Variants in ARFGEF1 observed in about 807,000 individuals in gnomAD.
ARFGEF1 encodes brefeldin A-inhibited guanine nucleotide-exchange protein 1.
A neutral mutation model predicts 231.0 loss-of-function variants in ARFGEF1; 42 were observed. That is an observed-to-expected ratio of 0.18 (90% CI 0.14 to 0.24). ARFGEF1 has a LOEUF of 0.24. Ranked by LOEUF, ARFGEF1 falls within the 10% of genes least tolerant of loss-of-function variation. The pLI, the probability that ARFGEF1 is intolerant of heterozygous loss-of-function variation, is 1.00. For synonymous variants in ARFGEF1, 710 were observed against 732.3 expected, an observed-to-expected ratio of 0.97 and a Z score of 0.49; for missense variants, 1,345 against 2,192.0, an observed-to-expected ratio of 0.61 and a Z score of 7.72.
intron 5 of ARFGEF1, among the ~76,000 whole-genome samples, chr8:67,178,742 T>C (rs926270185): frequency 1.3e-5 from 2 of 151,846 alleles, no homozygotes; most frequent in Non-Finnish European, 2.9e-5. Context: ...GCCTAGTGCA[T>C]GTAAGGAGCA....
At position 67,279,347 on chromosome 8, in the gene ARFGEF1, T is replaced by C. The variant is rs549653652; in HGVS notation, c.1028-1890A>G. On this transcript the variant is annotated intron_variant, in intron 7 of 38. Transcript: ENST00000262215. ...AATTTAACACAGGCTCCCTGTCTCT[T>C]GCAGCACCACAAAAATACATCTCTT... Among the ~76,000 whole-genome samples the C allele has an allele frequency of 1.6e-4, 24 of 152,302 alleles. 1 individual carries two copies. Among genetic ancestry groups the C allele is most frequent in the African/African-American group, 5.5e-4 (23 of 41,566 alleles).
At chr8:67,199,889 A>G (rs1010850184) in intron 38 of ARFGEF1, 6 of 223,170 alleles carry the variant, frequency 2.7e-5, no homozygotes, top group Non-Finnish European at 4.6e-5. Context: ...TTACAGTCAT[A>G]TATGTGTATT....
At chr8:67,193,224 A>G (rs1836903354), downstream of ARFGEF1, among the ~76,000 whole-genome samples, 1 of 152,014 alleles carries the variant, frequency 6.6e-6, no homozygotes, top group Non-Finnish European at 1.5e-5. Flanking sequence ...CAGCCACCCA[A>G]GTAGCCGGGG....
chr8:67,260,730 A>G (rs914581447), intron 14 of ARFGEF1, among the ~76,000 whole-genome samples: 1 of 152,170 alleles, frequency 6.6e-6, no homozygotes, highest in African/African-American at 2.4e-5. Context: ...TAAATAAAAA[A>G]CTAGAAATAA....
chr8:67,230,653 T>C (rs1186598937), intron 23 of ARFGEF1, among the ~76,000 whole-genome samples: 1 of 151,984 alleles, frequency 6.6e-6, no homozygotes, highest in Non-Finnish European at 1.5e-5. Flanking sequence ...CTGGTATGTA[T>C]AAAAAAACCA....
Position 67,343,511 on chromosome 8 carries a change from T to C in ARFGEF1, c.-224A>G. On this transcript the variant is annotated 5_prime_UTR_variant, in exon 1 of 39. Coordinates refer to ENST00000262215, the MANE Select transcript of ARFGEF1 (RefSeq NM_006421.5). Reference sequence around the variant, plus strand: ...CTCGCCGCCCCCAAGAAGCCGTACCTCGAGGGCCGCGCCCGTCGGGCCTCC... The same window carrying C: ...CTCGCCGCCCCCAAGAAGCCGTACCCCGAGGGCCGCGCCCGTCGGGCCTCC... The C allele has an allele frequency of 1.6e-5, 19 of 1,209,506 alleles. No individual in the cohort carries two copies. Among genetic ancestry groups the C allele is most frequent in the Non-Finnish European group, 2.0e-5 (19 of 969,902 alleles). The allele number at this position is 1,209,506 out of a possible 1,614,324, so 74.9% of individuals were successfully genotyped here. A position where few individuals can be genotyped will look rare whatever the true frequency, so the allele number is the denominator to read the frequency against.
chr8:67,200,320 CG>C (rs1563831543), intron 38 of ARFGEF1, 75 bp downstream of exon 38: 1 of 1,038,002 alleles, frequency 9.6e-7, no homozygotes, highest in Admixed American at 1.7e-5. Flanking sequence ...AGCTCTTGCA[CG>C]GCGGCTCTGG....
At position 67,321,485 on chromosome 8, in the gene ARFGEF1, G is replaced by A. The variant is rs1342683545; in HGVS notation, c.125-19019C>T. Among the ~76,000 whole-genome samples the A allele has an allele frequency of 2.0e-5, 3 of 152,238 alleles. No individual in the cohort carries two copies. In the South Asian group the frequency reaches 6.2e-4, roughly 32 times the overall value. On this transcript the variant is annotated intron_variant, in intron 1 of 38. Coordinates refer to ENST00000262215, the MANE Select transcript of ARFGEF1 (RefSeq NM_006421.5). ...TGTTTTGTTTTTTGTTTTTGAGATGGAGTCTCGCTCTGTCGCCCAGGCTGG... is the reference window on the plus strand; with the variant it reads ...TGTTTTGTTTTTTGTTTTTGAGATGAAGTCTCGCTCTGTCGCCCAGGCTGG...
intron 5 of ARFGEF1, among the ~76,000 whole-genome samples, chr8:67,188,308 C>T (rs961388793): frequency 2.6e-5 from 4 of 152,136 alleles, no homozygotes; most frequent in African/African-American, 7.2e-5. Flanking sequence ...AAATCTAGGC[C>T]GACTAAGAAT....
intron 9 of ARFGEF1, among the ~76,000 whole-genome samples, chr8:67,273,385 A>G: frequency 6.8e-6 from 1 of 146,726 alleles, no homozygotes; most frequent in South Asian, 2.2e-4. Context: ...GGAACACACC[A>G]AAATGCTCTA....
At chr8:67,217,633 T>C in intron 32 of ARFGEF1, 149 bp downstream of exon 32, 1 of 861,486 alleles carries the variant, frequency 1.2e-6, no homozygotes, top group Non-Finnish European at 1.7e-6. Context: ...TGGTTTGTAA[T>C]AAATCTAAAT....
At chr8:67,195,754 T>TAA (rs1189764966), downstream of ARFGEF1, 2 of 607,938 alleles carry the variant, frequency 3.3e-6, no homozygotes, top group Non-Finnish European at 5.9e-6. Flanking sequence ...TGTACATAAA[T>TAA]AAAAGGCCAT....
chr8:67,220,132 G>C (rs1200752999), intron 29 of ARFGEF1, among the ~76,000 whole-genome samples: 1 of 152,202 alleles, frequency 6.6e-6, no homozygotes, highest in Non-Finnish European at 1.5e-5. Flanking sequence ...TATTGCCTGG[G>C]AGGCAAGCAA....
chr8:67,181,662 T>G (rs1833081462), intron 5 of ARFGEF1, among the ~76,000 whole-genome samples: 1 of 152,172 alleles, frequency 6.6e-6, no homozygotes, highest in Admixed American at 6.5e-5. Flanking sequence ...AAAAATAGGG[T>G]TTTTAAAATT....
chr8:67,287,974 C>T lies in ARFGEF1; in HGVS notation c.1008G>A (p.Met336Ile), dbSNP rs1563890913. 7 of 1,590,750 alleles carry T rather than the reference C, an allele frequency of 4.4e-6. No homozygotes were observed. The highest frequency in any genetic ancestry group is 6.0e-6 in the Non-Finnish European group (7 of 1,171,564). ...TACTACCTCCAACAACAATGTTCAC[C>T]ATTTCTTCTACAATGTTCTGTACAA... is the stretch of plus-strand genomic sequence containing the variant. ...QDIVQNIVEEMVNIVVGDMGE... is the reference protein window; with the variant it reads ...QDIVQNIVEEIVNIVVGDMGE... The change falls in exon 7 of 39, where the codon ATG becomes ATA. Residue 336 changes from methionine to isoleucine, a missense_variant. Transcript: ENST00000262215.
chr8:67,302,641 A>G (rs1210208983), intron 1 of ARFGEF1, among the ~76,000 whole-genome samples, 175 bp from the exon 2 acceptor site: 3 of 152,226 alleles, frequency 2.0e-5, no homozygotes, highest in Admixed American at 6.5e-5. Context: ...TTACACAAAT[A>G]ACATAAAACT....
chr8:67,209,062 C>T (rs1285460650), intron 34 of ARFGEF1, among the ~76,000 whole-genome samples: 3 of 152,178 alleles, frequency 2.0e-5, no homozygotes, highest in Non-Finnish European at 2.9e-5. Context: ...TAGAATTACC[C>T]TATGAGCTAG....
chr8:67,195,301 G>A, downstream of ARFGEF1: 1 of 856,316 alleles, frequency 1.2e-6, no homozygotes, highest in Non-Finnish European at 2.0e-6. Flanking sequence ...GTTGTAATGA[G>A]TTGGACTACA....
intron 5 of ARFGEF1, among the ~76,000 whole-genome samples, chr8:67,176,527 G>A (rs1195032852): frequency 7.2e-5 from 11 of 152,164 alleles, no homozygotes; most frequent in Non-Finnish European, 4.4e-5. Context: ...TCTAGGATAA[G>A]CAGTAGGTAT....
Sources: gnomAD v4.1 joint callset for allele counts (sites outside exome capture counted in the v4.1 genomes callset) on GRCh38, gnomAD v4.1.1 for gene constraint, MANE v1.5 for transcripts, NCBI Gene and HGNC (gene_info 2026-07-23, HGNC 2026-07-21) for gene names.